CNTN4: variants seen among roughly 807,000 people sequenced by gnomAD.
CNTN4 encodes the protein contactin 4.
In CNTN4, 77 loss-of-function variants were observed where a neutral mutation model predicts 122.5. That is an observed-to-expected ratio of 0.63 (90% CI 0.52 to 0.76). CNTN4 has a LOEUF of 0.76. Among genes scored for constraint, CNTN4 ranks in the 30% least tolerant of loss-of-function variants. The pLI is 0.00. For missense variants in CNTN4, 1,256 were observed against 1,259.1 expected (o/e 1.00, Z 0.04); for synonymous variants, 512 against 447.0 (o/e 1.15, Z -1.83).
chr3:2,566,168 T>G (rs968414784), intron 3 of CNTN4, among the ~76,000 whole-genome samples: 1 of 152,158 alleles, frequency 6.6e-6, no homozygotes, highest in African/African-American at 2.4e-5. Context: ...AAAGCCAAGT[T>G]AGAGAGAAAG....
intron 4 of CNTN4, among the ~76,000 whole-genome samples, chr3:2,636,137 A>C (rs73112518): frequency 0.15 from 23,268 of 152,164 alleles, 1,993 homozygotes; most frequent in African/African-American, 0.22. Context: ...TGTCCCAGTG[A>C]TTGGCTTTCT....
At chr3:2,124,396 C>T (rs2033991289) in intron 2 of CNTN4, among the ~76,000 whole-genome samples, 1 of 150,418 alleles carries the variant, frequency 6.6e-6, no homozygotes, top group Admixed American at 6.7e-5. Flanking sequence ...TGGGGTCATG[C>T]ATTTTTAAAA....
At chr3:2,401,285 G>A (rs74957825) in intron 3 of CNTN4, among the ~76,000 whole-genome samples, 5,191 of 152,166 alleles carry the variant, frequency 0.034, 266 homozygotes, top group African/African-American at 0.11. Context: ...CAGAGAGCCT[G>A]CTAGGGAAGG....
chr3:2,574,175 C>A, intron 4 of CNTN4, among the ~76,000 whole-genome samples: 1 of 151,840 alleles, frequency 6.6e-6, no homozygotes, highest in Admixed American at 6.6e-5. Flanking sequence ...GAGATCACGC[C>A]ACTGCACTCC....
At chr3:2,287,718 GAA>G (rs1559416001) in intron 2 of CNTN4, among the ~76,000 whole-genome samples, 985 of 74,610 alleles carry the variant, frequency 0.013, 29 homozygotes, top group Non-Finnish European at 0.017. Flanking sequence ...AGAGGAAGAA[GAA>G]GAAGAAGAAG....
At chr3:2,388,610 C>T (rs896789522) in intron 3 of CNTN4, among the ~76,000 whole-genome samples, 2 of 152,274 alleles carry the variant, frequency 1.3e-5, no homozygotes, top group South Asian at 2.1e-4. Flanking sequence ...TTTGGGAGGC[C>T]GAGGCAGGCA....
chr3:2,741,798 A>G (rs992757656), intron 5 of CNTN4, among the ~76,000 whole-genome samples: 3 of 152,146 alleles, frequency 2.0e-5, no homozygotes, highest in African/African-American at 7.2e-5. Flanking sequence ...CCAAACTGTG[A>G]CCTTTAATTA....
chr3:3,023,551 C>G (rs1698471311), intron 14 of CNTN4, among the ~76,000 whole-genome samples: 1 of 152,222 alleles, frequency 6.6e-6, no homozygotes, highest in African/African-American at 2.4e-5. Context: ...TATGTGCCAA[C>G]TCCTTGCTGC....
At chr3:2,293,693 C>CT (rs1414494145) in intron 2 of CNTN4, among the ~76,000 whole-genome samples, 1 of 152,154 alleles carries the variant, frequency 6.6e-6, no homozygotes, top group Non-Finnish European at 1.5e-5. Flanking sequence ...GAGTATATCT[C>CT]TTTAAAGTAG....
chr3:2,774,484 A>G (rs2091235152), intron 6 of CNTN4, among the ~76,000 whole-genome samples: 1 of 152,120 alleles, frequency 6.6e-6, no homozygotes, highest in South Asian at 2.1e-4. Context: ...CATCAAAATG[A>G]AGGAGGGACC....
chr3:2,288,165 G>A (rs539139384), intron 2 of CNTN4, among the ~76,000 whole-genome samples: 1 of 152,296 alleles, frequency 6.6e-6, no homozygotes, highest in African/African-American at 2.4e-5. Flanking sequence ...TAGTCCATTT[G>A]TGTTGCTATA....
intron 3 of CNTN4, among the ~76,000 whole-genome samples, chr3:2,441,123 C>T (rs2151284805): frequency 6.6e-6 from 1 of 151,946 alleles, no homozygotes; most frequent in South Asian, 2.1e-4. Flanking sequence ...GCACCATTCA[C>T]TTATATGGTC....
At chr3:2,584,549 C>T (rs901233607) in intron 4 of CNTN4, among the ~76,000 whole-genome samples, 4 of 151,566 alleles carry the variant, frequency 2.6e-5, no homozygotes, top group Admixed American at 6.6e-5. Flanking sequence ...ACTAAAAATA[C>T]AAAAATTAGC....
At chr3:2,614,699 A>G (rs1292829814) in intron 4 of CNTN4, among the ~76,000 whole-genome samples, 1 of 152,074 alleles carries the variant, frequency 6.6e-6, no homozygotes, top group Non-Finnish European at 1.5e-5. Context: ...GAGGAGAGAG[A>G]GCAGGCAGAA....
At chr3:2,417,433 G>T (rs1575587681) in intron 3 of CNTN4, among the ~76,000 whole-genome samples, 1 of 152,198 alleles carries the variant, frequency 6.6e-6, no homozygotes, top group Non-Finnish European at 1.5e-5. Context: ...TACTGAGTTT[G>T]CACTGAGCTC....
chr3:2,720,250 C>G lies in CNTN4; in HGVS notation c.56-15965C>G, dbSNP rs548776567. 1.2e-3 allele frequency among the ~76,000 whole-genome samples: 188 copies of G among 152,244 alleles called. 1 individual carries two copies. The highest frequency in any genetic ancestry group is 4.4e-3 in the African/African-American group (182 of 41,526). On this transcript the variant is annotated intron_variant, in intron 4 of 24. Coordinates refer to ENST00000418658, the MANE Select transcript of CNTN4 (RefSeq NM_175607.3). ...TTTTGATGTCAATGAGATAGAGATG[C>G]CATGACATCAAAAGCCAGAAACCAA...
intron 3 of CNTN4, among the ~76,000 whole-genome samples, chr3:2,354,834 G>C (rs1473040286): frequency 6.6e-6 from 1 of 152,170 alleles, no homozygotes; most frequent in Non-Finnish European, 1.5e-5. Flanking sequence ...GGAGTTCTAA[G>C]TGAGGTGAGA....
At chr3:2,424,683 C>T (rs1301659199) in intron 3 of CNTN4, among the ~76,000 whole-genome samples, 1 of 152,200 alleles carries the variant, frequency 6.6e-6, no homozygotes, top group Non-Finnish European at 1.5e-5. Flanking sequence ...GTCCCACCAA[C>T]AGTGTAAAAG....
At chr3:2,588,785 TAAAAA>T (rs11334608) in intron 4 of CNTN4, among the ~76,000 whole-genome samples, 1 of 118,710 alleles carries the variant, frequency 8.4e-6, no homozygotes. Flanking sequence ...CTTCCAGCTC[TAAAAA>T]AAAAAAAAAA....
Sources: allele counts gnomAD v4.1 joint callset (sites outside exome capture counted in the v4.1 genomes callset), GRCh38; gene constraint gnomAD v4.1.1; transcripts MANE v1.5; gene names NCBI Gene and HGNC (gene_info 2026-07-23, HGNC 2026-07-21).